Variants in GALNTL6 observed in about 807,000 individuals in gnomAD.
GALNTL6 encodes the protein polypeptide N-acetylgalactosaminyltransferase-like 6.
In GALNTL6, 46 loss-of-function variants were observed where a neutral mutation model predicts 73.7. The ratio of observed to expected loss-of-function variants is 0.62; its 90% CI spans 0.49 to 0.80. The LOEUF is 0.80. Ranked by LOEUF, GALNTL6 falls within the 30% of genes least tolerant of loss-of-function variation. The pLI, the probability that GALNTL6 is intolerant of heterozygous loss-of-function variation, is 0.00. For missense variants in GALNTL6, 604 were observed against 755.0 expected (o/e 0.80, Z 2.34); for synonymous variants, 259 against 263.7 (o/e 0.98, Z 0.17).
chr4:172,994,168 G>A (rs1939645065), intron 10 of GALNTL6, among the ~76,000 whole-genome samples: 1 of 151,884 alleles, frequency 6.6e-6, no homozygotes, highest in South Asian at 2.1e-4. Context: ...AATAACTGTT[G>A]TATAAGATGG....
intron 5 of GALNTL6, among the ~76,000 whole-genome samples, chr4:172,539,069 A>G (rs1404321019): frequency 6.6e-6 from 1 of 152,230 alleles, no homozygotes; most frequent in East Asian, 1.9e-4. Flanking sequence ...AAGAAAAAAT[A>G]TAAGATTTGT....
At chr4:173,000,905 T>C (rs1752017611) in intron 10 of GALNTL6, among the ~76,000 whole-genome samples, 1 of 152,186 alleles carries the variant, frequency 6.6e-6, no homozygotes, top group Non-Finnish European at 1.5e-5. Context: ...GAAATCCTAA[T>C]CCTTGGTACC....
At chr4:172,990,211 A>T (rs1374459628) in intron 10 of GALNTL6, among the ~76,000 whole-genome samples, 2 of 152,224 alleles carry the variant, frequency 1.3e-5, no homozygotes, top group Non-Finnish European at 2.9e-5. Context: ...TCCTGTTATA[A>T]AAGAAAGCAG....
At chr4:171,861,547 G>A (rs1735831200) in intron 2 of GALNTL6, among the ~76,000 whole-genome samples, 2 of 151,962 alleles carry the variant, frequency 1.3e-5, no homozygotes, top group Admixed American at 1.3e-4. Context: ...TTCTTGGGAT[G>A]TGTTTTCCTC....
chr4:172,992,605 C>T (rs1449961239), intron 10 of GALNTL6, among the ~76,000 whole-genome samples: 1 of 152,112 alleles, frequency 6.6e-6, no homozygotes, highest in Non-Finnish European at 1.5e-5. Flanking sequence ...TATGAATACA[C>T]AGAAGCAGAT....
chr4:172,546,254 G>C (rs1228481562), intron 5 of GALNTL6, among the ~76,000 whole-genome samples: 1 of 152,122 alleles, frequency 6.6e-6, no homozygotes, highest in Non-Finnish European at 1.5e-5. Context: ...TGTTTTACCA[G>C]AGGACAGATT....
At chr4:172,990,859 A>G (rs1156500877) in intron 10 of GALNTL6, among the ~76,000 whole-genome samples, 3 of 152,352 alleles carry the variant, frequency 2.0e-5, no homozygotes, top group African/African-American at 4.8e-5. Context: ...TTTGAAGCAC[A>G]AATTTATAAC....
At chr4:172,652,259 A>G (rs762193049) in intron 5 of GALNTL6, among the ~76,000 whole-genome samples, 1 of 152,048 alleles carries the variant, frequency 6.6e-6, no homozygotes, top group Non-Finnish European at 1.5e-5. Flanking sequence ...TCATAGTTCC[A>G]TTTTTTTTCC....
At chr4:172,672,984 A>G (rs940692902) in intron 5 of GALNTL6, among the ~76,000 whole-genome samples, 10 of 152,064 alleles carry the variant, frequency 6.6e-5, no homozygotes, top group Admixed American at 5.2e-4. Context: ...TTCTGGATTA[A>G]TTGATCTTTT....
In GALNTL6 at chr4:171,920,245, G is replaced by A. The variant is rs539701805; in HGVS notation, c.138+105527G>A. ...GGCCTGTTTTGGGGTAGGGGGAGAG[G>A]GGAGGGATAGCATTAGGAGATATAC... On this transcript the variant is annotated intron_variant, in intron 2 of 12. Transcript: ENST00000506823. 2.0e-5 allele frequency among the ~76,000 whole-genome samples: 3 copies of A among 152,098 alleles called. No homozygotes were observed. The East Asian group carries it at 5.8e-4, about 30-fold the overall frequency.
At chr4:172,538,321 C>T (rs1017652550) in intron 5 of GALNTL6, among the ~76,000 whole-genome samples, 4 of 151,966 alleles carry the variant, frequency 2.6e-5, no homozygotes, top group African/African-American at 7.2e-5. Context: ...ATTAGCCAGG[C>T]GTGGTGGCGG....
At chr4:172,636,249 TGTC>T (rs1356154828) in intron 5 of GALNTL6, among the ~76,000 whole-genome samples, 1 of 152,210 alleles carries the variant, frequency 6.6e-6, no homozygotes, top group African/African-American at 2.4e-5. Context: ...AATAATGACA[TGTC>T]ATTGTTTATC....
intron 4 of GALNTL6, among the ~76,000 whole-genome samples, chr4:172,321,218 G>T (rs1470813633): frequency 6.6e-6 from 1 of 152,078 alleles, no homozygotes; most frequent in Non-Finnish European, 1.5e-5. Flanking sequence ...AGGGGTCGTG[G>T]AACATATCCC....
chr4:171,960,647 A>T (rs1217711431), intron 2 of GALNTL6, among the ~76,000 whole-genome samples: 5 of 149,136 alleles, frequency 3.4e-5, no homozygotes, highest in Non-Finnish European at 5.9e-5. Context: ...ATGTATATAT[A>T]AATTTTTTTA....
intron 2 of GALNTL6, among the ~76,000 whole-genome samples, chr4:171,875,273 A>G (rs879775773): frequency 2.6e-5 from 4 of 152,224 alleles, no homozygotes; most frequent in Non-Finnish European, 5.9e-5. Flanking sequence ...AAATAAGAGT[A>G]GACTCCAAGA....
At chr4:172,691,665 C>A (rs529428539) in intron 5 of GALNTL6, among the ~76,000 whole-genome samples, 2 of 152,246 alleles carry the variant, frequency 1.3e-5, no homozygotes, top group South Asian at 4.2e-4. Flanking sequence ...GACCAAGAAC[C>A]CTGCCTCACT....
At chr4:172,635,285 A>G (rs188708366) in intron 5 of GALNTL6, among the ~76,000 whole-genome samples, 13 of 152,306 alleles carry the variant, frequency 8.5e-5, no homozygotes, top group Admixed American at 6.5e-4. Flanking sequence ...TTTTTCAAAT[A>G]TAGTGCGACT....
intron 5 of GALNTL6, among the ~76,000 whole-genome samples, chr4:172,624,364 G>T (rs1389658134): frequency 6.6e-6 from 1 of 151,348 alleles, no homozygotes; most frequent in Admixed American, 6.6e-5. Context: ...CAATTGTGTG[G>T]TTTTTGGTTC....
intron 8 of GALNTL6, among the ~76,000 whole-genome samples, chr4:172,888,824 C>T (rs920507755): frequency 2.4e-4 from 37 of 152,070 alleles, no homozygotes; most frequent in African/African-American, 7.7e-4. Flanking sequence ...ACAGAAATAG[C>T]GTTGAATCTA....
Sources: gnomAD v4.1 joint callset for allele counts (sites outside exome capture counted in the v4.1 genomes callset) on GRCh38, gnomAD v4.1.1 for gene constraint, MANE v1.5 for transcripts, NCBI Gene and HGNC (gene_info 2026-07-23, HGNC 2026-07-21) for gene names.